FAM13A: variants seen among roughly 807,000 people sequenced by gnomAD.
The protein encoded by FAM13A is protein FAM13A.
A neutral mutation model predicts 129.6 loss-of-function variants in FAM13A; 76 were observed. That is an observed-to-expected ratio of 0.59 (90% confidence interval 0.49 to 0.71). FAM13A has a LOEUF of 0.71. Ranked by LOEUF, FAM13A falls within the 30% of genes least tolerant of loss-of-function variation. FAM13A has a pLI of 0.00. For synonymous variants in FAM13A, 443 were observed against 449.9 expected, an observed-to-expected ratio of 0.98 and a Z score of 0.20; for missense variants, 1,108 against 1,249.3, an observed-to-expected ratio of 0.89 and a Z score of 1.70.
chr4:88,917,403 C>G (rs1458098008), intron 5 of FAM13A, among the ~76,000 whole-genome samples: 2 of 152,138 alleles, frequency 1.3e-5, no homozygotes, highest in Non-Finnish European at 2.9e-5. Flanking sequence ...AAACACCCCC[C>G]ATTAGGTCCC....
chr4:88,790,698 T>C (rs2290782), intron 8 of FAM13A, 71 bp from the exon 9 acceptor site: 672,687 of 1,340,676 alleles, frequency 0.5, 171,930 homozygotes, highest in East Asian at 0.69. Context: ...ACATGTGAAG[T>C]GGATCGCAGG....
intron 2 of FAM13A, among the ~76,000 whole-genome samples, chr4:89,021,971 A>G (rs1291929040): frequency 6.6e-6 from 1 of 152,188 alleles, no homozygotes; most frequent in Non-Finnish European, 1.5e-5. Context: ...TGTGCTACAC[A>G]CCATGTAAGT....
chr4:88,966,547 G>T (rs1266942044), intron 4 of FAM13A, among the ~76,000 whole-genome samples: 2 of 152,140 alleles, frequency 1.3e-5, no homozygotes, highest in Non-Finnish European at 1.5e-5. Context: ...ATGCCCAACA[G>T]AAAGCTATTT....
intron 1 of FAM13A, among the ~76,000 whole-genome samples, chr4:89,032,994 C>T (rs920108956): frequency 1.3e-5 from 2 of 152,284 alleles, no homozygotes; most frequent in Non-Finnish European, 2.9e-5. Context: ...TGATATGGTC[C>T]TTGATCTACT....
At chr4:88,922,682 G>C (rs1751334155) in intron 5 of FAM13A, among the ~76,000 whole-genome samples, 1 of 151,952 alleles carries the variant, frequency 6.6e-6, no homozygotes, top group Admixed American at 6.6e-5. Context: ...GCTAGCAGAA[G>C]GCAAGAAATA....
chr4:88,731,324 T>C lies in FAM13A; in HGVS notation c.2945+3A>G. The C allele has an allele frequency of 1.3e-6, 2 of 1,573,604 alleles. No homozygotes were observed. Among genetic ancestry groups the C allele is most frequent in the Non-Finnish European group, 8.7e-7 (1 of 1,148,816 alleles). On this transcript the variant is annotated splice_donor_region_variant and intron_variant, in intron 23 of 23. Transcript: ENST00000264344. ...AGGGAGGGTGGGGGAAGACAGGCAC[T>C]ACCTTCCATTCTGTCTGAAAAAGTT...
At chr4:88,995,083 AT>A (rs1480606933) in intron 3 of FAM13A, among the ~76,000 whole-genome samples, 2 of 152,094 alleles carry the variant, frequency 1.3e-5, no homozygotes, top group Middle Eastern at 3.4e-3. Context: ...TCCAAAATGT[AT>A]ATTTGTTGCA....
chr4:88,958,425 C>T (rs1758107975), intron 4 of FAM13A, among the ~76,000 whole-genome samples: 1 of 152,254 alleles, frequency 6.6e-6, no homozygotes, highest in Non-Finnish European at 1.5e-5. Context: ...CTCACTGCAT[C>T]TCAGCCACTG....
At chr4:88,899,941 T>A (rs986774096) in intron 6 of FAM13A, among the ~76,000 whole-genome samples, 2 of 152,120 alleles carry the variant, frequency 1.3e-5, no homozygotes, top group African/African-American at 4.8e-5. Flanking sequence ...GGAACATAAC[T>A]GACCTGATGG....
intron 6 of FAM13A, among the ~76,000 whole-genome samples, chr4:88,870,297 GC>G (rs1741138213): frequency 6.6e-6 from 1 of 152,190 alleles, no homozygotes; most frequent in African/African-American, 2.4e-5. Context: ...AGTGGGTGCA[GC>G]CCACGGAGGG....
intron 6 of FAM13A, among the ~76,000 whole-genome samples, chr4:88,881,310 CAG>C (rs1743522542): frequency 6.6e-6 from 1 of 152,186 alleles, no homozygotes; most frequent in African/African-American, 2.4e-5. Flanking sequence ...GGACTCTGTG[CAG>C]ACACTCCCAG....
chr4:89,046,758 G>A (rs1030666811), intron 1 of FAM13A, among the ~76,000 whole-genome samples: 3 of 152,116 alleles, frequency 2.0e-5, no homozygotes, highest in East Asian at 1.9e-4. Flanking sequence ...GGCTGAGGTG[G>A]GAGGATCACT....
At chr4:88,989,074 G>C (rs1163364458) in intron 4 of FAM13A, among the ~76,000 whole-genome samples, 2 of 151,452 alleles carry the variant, frequency 1.3e-5, no homozygotes, top group Non-Finnish European at 2.9e-5. Context: ...CGGGCATGAT[G>C]GTGGGCGCCT....
intron 6 of FAM13A, among the ~76,000 whole-genome samples, chr4:88,878,287 C>CAAAAAAAAA (rs56067813): frequency 1.8e-4 from 11 of 61,076 alleles, no homozygotes; most frequent in African/African-American, 5.8e-4. Context: ...GACTCCATCT[C>CAAAAAAAAA]AAAAAAAAAA....
At chr4:88,905,892 G>T (rs1434410302) in intron 6 of FAM13A, among the ~76,000 whole-genome samples, 2 of 152,078 alleles carry the variant, frequency 1.3e-5, no homozygotes, top group Non-Finnish European at 2.9e-5. Context: ...AGATCCTCCC[G>T]CAACACTCCC....
intron 4 of FAM13A, among the ~76,000 whole-genome samples, chr4:88,939,959 C>T (rs1754487053): frequency 6.6e-6 from 1 of 152,120 alleles, no homozygotes; most frequent in Non-Finnish European, 1.5e-5. Context: ...AAACGCAACC[C>T]AGTTAATACT....
In FAM13A at chr4:88,851,084, T is replaced by C. The variant is rs1243480701; in HGVS notation, c.943A>G (p.Arg315Gly). Residue 315 changes from arginine (R) to glycine (G), a missense_variant, in exon 7 of 24, where the codon AGA becomes GGA. Around this residue, in one of 3 missense-constraint regions of FAM13A, gnomAD observed 566 missense variants for 595.7 expected, o/e 0.95. Transcript: ENST00000264344. Reference protein sequence around the residue: ...IPQLSLRLSYRKACLEDMNSA... With the variant: ...IPQLSLRLSYGKACLEDMNSA... The stretch of plus-strand genomic sequence containing the variant: ...TTCATGTCTTCCAAGCAGGCTTTTC[T>C]ATAACTTAGCCGCAAGCTGAGCTGA... 1 of 1,614,036 alleles carries C rather than the reference T, an allele frequency of 6.2e-7. No homozygotes were observed. The highest frequency in any genetic ancestry group is 8.5e-7 in the Non-Finnish European group (1 of 1,180,016).
At chr4:88,823,057 T>C in intron 7 of FAM13A, 1 of 1,611,306 alleles carries the variant, frequency 6.2e-7, no homozygotes, top group South Asian at 1.1e-5. Context: ...CCACGGCAAG[T>C]TTGGTCGTCT....
At chr4:88,967,208 T>C (rs1759470661) in intron 4 of FAM13A, among the ~76,000 whole-genome samples, 1 of 152,238 alleles carries the variant, frequency 6.6e-6, no homozygotes, top group Non-Finnish European at 1.5e-5. Context: ...TATTTATTTG[T>C]ATAGTGTTTC....
Sources: allele counts gnomAD v4.1 joint callset (sites outside exome capture counted in the v4.1 genomes callset), GRCh38; gene constraint gnomAD v4.1.1; regional missense constraint gnomAD v4.1.1; transcripts MANE v1.5; gene names NCBI Gene and HGNC (gene_info 2026-07-23, HGNC 2026-07-21).